Variants in USP24 observed in about 807,000 individuals in gnomAD.
The protein encoded by USP24 is ubiquitin specific peptidase 24.
Under a neutral mutation model 361.6 loss-of-function variants are expected in USP24, and 97 were observed. The ratio of observed to expected loss-of-function variants is 0.27; its 90% CI spans 0.23 to 0.32. The LOEUF is 0.32. Among genes scored for constraint, USP24 ranks in the 10% least tolerant of loss-of-function variants. The pLI is 1.00. For synonymous variants in USP24, 1,098 were observed against 1,124.6 expected (o/e 0.98, Z 0.47); for missense variants, 2,353 against 3,165.6 (o/e 0.74, Z 6.16).
intron 31 of USP24, among the ~76,000 whole-genome samples, chr1:55,130,267 G>C (rs1346295900): frequency 1.3e-5 from 2 of 152,158 alleles, no homozygotes; most frequent in Non-Finnish European, 2.9e-5. Flanking sequence ...ACCTAGCTGA[G>C]AGACCTTAGG....
chr1:55,081,738 G>A (rs1645152884), intron 58 of USP24, among the ~76,000 whole-genome samples: 2 of 152,164 alleles, frequency 1.3e-5, no homozygotes, highest in South Asian at 2.1e-4. Flanking sequence ...TCACTGTGCC[G>A]CGTAATGTGA....
At chr1:55,196,201 C>T (rs1644412683) in intron 1 of USP24, among the ~76,000 whole-genome samples, 1 of 152,142 alleles carries the variant, frequency 6.6e-6, no homozygotes, top group African/African-American at 2.4e-5. Flanking sequence ...CCTCACCCCA[C>T]CAGCCACTCC....
At chr1:55,085,832 T>G in intron 56 of USP24, 110 bp downstream of exon 56, 5 of 1,106,438 alleles carry the variant, frequency 4.5e-6, no homozygotes, top group Non-Finnish European at 6.5e-6. Context: ...AAGGTGTATT[T>G]ATGTGGCAAA....
intron 21 of USP24, 147 bp downstream of exon 21, chr1:55,143,980 A>T: frequency 1.6e-6 from 1 of 607,510 alleles, no homozygotes; most frequent in Non-Finnish European, 2.8e-6. Flanking sequence ...AAGCTCTGTC[A>T]TCAACATAGA....
intron 1 of USP24, among the ~76,000 whole-genome samples, chr1:55,210,121 G>A (rs752470097): frequency 8.6e-5 from 13 of 152,034 alleles, no homozygotes; most frequent in South Asian, 2.1e-4. Flanking sequence ...ACAGACACAC[G>A]AAAGGTACTC....
intron 41 of USP24, among the ~76,000 whole-genome samples, chr1:55,105,876 T>C (rs1191165239): frequency 6.7e-6 from 1 of 148,922 alleles, no homozygotes; most frequent in Non-Finnish European, 1.5e-5. Flanking sequence ...TTCGTTTCTC[T>C]TGGCATTTGT....
At chr1:55,146,845 G>C in intron 19 of USP24, 84 bp downstream of exon 19, 4 of 1,532,628 alleles carry the variant, frequency 2.6e-6, no homozygotes, top group Non-Finnish European at 3.5e-6. Flanking sequence ...AAACTGAAAA[G>C]TGTTTAGAAG....
chr1:55,214,867 G>GGCC lies in USP24; in HGVS notation c.244_246dup (p.Gly82dup), dbSNP rs540467668. ...CCTCCGGTGCTCCCGCCGCGGGAGG[G>GGCC]GCCGCCGCCGCCGCCGTCACCTCCG... On this transcript the variant is annotated inframe_insertion, in exon 1 of 68. Transcript: ENST00000294383. 0.017 allele frequency: 21,349 copies of GGCC among 1,220,310 alleles called. 208 individuals are homozygous for GGCC. The highest frequency in any genetic ancestry group is 0.044 in the African/African-American group (2,767 of 62,922). 75.6% of individuals were successfully genotyped at this position (1,220,310 alleles called of 1,614,324 possible). A position where few individuals can be genotyped will look rare whatever the true frequency, so the allele number is the denominator to read the frequency against.
intron 1 of USP24, among the ~76,000 whole-genome samples, chr1:55,213,171 A>T (rs748432743): frequency 6.6e-6 from 1 of 152,238 alleles, no homozygotes; most frequent in Non-Finnish European, 1.5e-5. Context: ...TGGGTCAAAA[A>T]CTAGAAGGAA....
chr1:55,188,953 A>G (rs1644209397), intron 1 of USP24, among the ~76,000 whole-genome samples: 1 of 133,394 alleles, frequency 7.5e-6, no homozygotes, highest in South Asian at 2.7e-4. Flanking sequence ...AACAAGAGCA[A>G]AACTCCATCT....
chr1:55,121,386 C>G, intron 37 of USP24, 50 bp downstream of exon 37: 1 of 1,557,784 alleles, frequency 6.4e-7, no homozygotes, highest in Non-Finnish European at 8.8e-7. Flanking sequence ...AGACAGCTCA[C>G]AAAACAACAG....
chr1:55,193,657 G>A (rs930069232), intron 1 of USP24, among the ~76,000 whole-genome samples: 1 of 152,104 alleles, frequency 6.6e-6, no homozygotes, highest in African/African-American at 2.4e-5. Flanking sequence ...CAATATGAGT[G>A]AGCAGTAAAG....
At chr1:55,094,186 TTTGA>T in intron 51 of USP24, 99 bp from the exon 52 acceptor site, 1 of 1,219,048 alleles carries the variant, frequency 8.2e-7, no homozygotes, top group South Asian at 1.6e-5. Flanking sequence ...TATTAGACTA[TTTGA>T]TTATTATACA....
chr1:55,211,187 G>A (rs1053216176), intron 1 of USP24, among the ~76,000 whole-genome samples: 1 of 152,310 alleles, frequency 6.6e-6, no homozygotes, highest in African/African-American at 2.4e-5. Context: ...AGTAAAGAGT[G>A]AAGAATTCTG....
Position 55,176,358 on chromosome 1 carries a change from G to A in USP24, c.558+18C>T. On this transcript the variant is annotated intron_variant, in intron 3 of 67. Coordinates refer to ENST00000294383, the MANE Select transcript of USP24 (RefSeq NM_015306.3). The stretch of plus-strand genomic sequence containing the variant: ...ACCCCGACACACACAAAATATCACA[G>A]CAGCACATTTTTCTTACCTTTTTAA... 1.3e-6 allele frequency: 2 copies of A among 1,552,860 alleles called. No individual in the cohort carries two copies. The highest frequency in any genetic ancestry group is 1.7e-6 in the Non-Finnish European group (2 of 1,145,910).
rs1179491286 is a variant in USP24, at chr1:55,096,383, T to C, written c.6061+115A>G. The stretch of plus-strand genomic sequence containing the variant: ...GCTCATGGTTCTATTGCTAGAACAG[T>C]AGTACAATAAAAATAACAAAATCTG... On this transcript the variant is annotated intron_variant, in intron 50 of 67. Coordinates refer to ENST00000294383, the MANE Select transcript of USP24 (RefSeq NM_015306.3). The C allele has an allele frequency of 1.5e-5, 13 of 871,530 alleles. No homozygotes were observed. The East Asian group carries it at 2.2e-4, about 15-fold the overall frequency. 54.0% of individuals were successfully genotyped at this position (871,530 alleles called of 1,614,324 possible). A position where few individuals can be genotyped will look rare whatever the true frequency, so the allele number is the denominator to read the frequency against.
chr1:55,092,008 CAT>C lies in USP24; in HGVS notation c.6554+13_6554+14del. ...CCTCTGTCACAACAGATTATCAAAA[CAT>C]ATCACTTCTCACCTGAGTTTCTTCT... On this transcript the variant is annotated intron_variant, in intron 54 of 67. Transcript: ENST00000294383. 6.3e-7 allele frequency: 1 copy of C among 1,577,768 alleles called. No homozygotes were observed. The highest frequency in any genetic ancestry group is 8.7e-7 in the Non-Finnish European group (1 of 1,153,040).
At chr1:55,158,786 T>C (rs1647961267) in intron 10 of USP24, 92 bp downstream of exon 10, 3 of 1,101,394 alleles carry the variant, frequency 2.7e-6, no homozygotes, top group African/African-American at 1.6e-5. Context: ...AAATTATTCA[T>C]ATTTCCCAAA....
intron 55 of USP24, among the ~76,000 whole-genome samples, chr1:55,089,122 G>T (rs187821672): frequency 6.6e-6 from 1 of 152,144 alleles, no homozygotes; most frequent in Admixed American, 6.5e-5. Flanking sequence ...TGGCCAGGAT[G>T]GTCTTGATCT....
Sources: allele counts gnomAD v4.1 joint callset (sites outside exome capture counted in the v4.1 genomes callset), GRCh38; gene constraint gnomAD v4.1.1; transcripts MANE v1.5; gene names NCBI Gene and HGNC (gene_info 2026-07-23, HGNC 2026-07-21).